GIGYF2: variants seen among roughly 807,000 people sequenced by gnomAD.
GIGYF2 encodes the protein GRB10 interacting GYF protein 2.
In GIGYF2, 25 loss-of-function variants were observed where a neutral mutation model predicts 208.1. The ratio of observed to expected loss-of-function variants is 0.12; its 90% CI spans 0.09 to 0.17. The LOEUF (loss-of-function observed/expected upper bound fraction) is 0.17. Among genes scored for constraint, GIGYF2 ranks in the 10% least tolerant of loss-of-function variants. The probability of loss-of-function intolerance (pLI) is 1.00; values close to 1 mark genes in which losing one functional copy is unlikely to be tolerated. For synonymous variants in GIGYF2, 534 were observed against 543.8 expected, an observed-to-expected ratio of 0.98 and a Z score of 0.25; for missense variants, 1,302 against 1,579.4, an observed-to-expected ratio of 0.82 and a Z score of 2.98.
At chr2:232,821,532 A>G (rs1701081206) in intron 21 of GIGYF2, among the ~76,000 whole-genome samples, 1 of 152,112 alleles carries the variant, frequency 6.6e-6, no homozygotes, top group African/African-American at 2.4e-5. Flanking sequence ...TTTTCTTACA[A>G]GTTGTATACT....
chr2:232,804,537 G>A lies in GIGYF2; in HGVS notation c.1640-1954G>A, dbSNP rs150029813. Reference sequence around the variant, plus strand: ...GATGGAGTCTCACTCTGTCACCCAGGCTGGAGTGCAGTGGCGCGATCTCGG... The same window carrying A: ...GATGGAGTCTCACTCTGTCACCCAGACTGGAGTGCAGTGGCGCGATCTCGG... On this transcript the variant is annotated intron_variant, in intron 14 of 28. Transcript: ENST00000373563. 8.0e-3 allele frequency among the ~76,000 whole-genome samples: 1,217 copies of A among 152,112 alleles called. 10 individuals are homozygous for A. Among genetic ancestry groups the A allele is most frequent in the Non-Finnish European group, 0.013 (853 of 67,998 alleles).
chr2:232,833,203 T>C (rs1701478463), intron 22 of GIGYF2, 110 bp downstream of exon 22: 4 of 543,360 alleles, frequency 7.4e-6, no homozygotes, highest in Non-Finnish European at 1.3e-5. Flanking sequence ...TTTTTTAATA[T>C]TAAAATATTT....
At chr2:232,792,433 AT>A (rs1238953558) in intron 12 of GIGYF2, among the ~76,000 whole-genome samples, 2 of 152,110 alleles carry the variant, frequency 1.3e-5, no homozygotes, top group Non-Finnish European at 2.9e-5. Context: ...AAAGCTGATT[AT>A]TTTTTTAAAG....
At chr2:232,789,864 G>A (rs867240113) in intron 9 of GIGYF2, among the ~76,000 whole-genome samples, 4 of 151,966 alleles carry the variant, frequency 2.6e-5, no homozygotes, top group African/African-American at 9.7e-5. Context: ...TCTTAAGTAG[G>A]ATCTCTTATT....
chr2:232,741,273 G>GTTCCT (rs933430102), intron 3 of GIGYF2, among the ~76,000 whole-genome samples: 1 of 151,938 alleles, frequency 6.6e-6, no homozygotes, highest in African/African-American at 2.4e-5. Context: ...TTACTTCTCT[G>GTTCCT]TTCCTATATC....
chr2:232,776,485 T>G (rs1247664412), intron 8 of GIGYF2: 1 of 1,516,352 alleles, frequency 6.6e-7, no homozygotes, highest in South Asian at 1.1e-5. Context: ...AAGGTAGGTC[T>G]TAAGGAAATT....
At chr2:232,720,191 G>T (rs1416548843) in intron 2 of GIGYF2, among the ~76,000 whole-genome samples, 2 of 152,140 alleles carry the variant, frequency 1.3e-5, no homozygotes, top group African/African-American at 4.8e-5. Flanking sequence ...GAGAATGTGT[G>T]GTGTTTGGTT....
chr2:232,715,472 G>A (rs1422086610), intron 2 of GIGYF2, among the ~76,000 whole-genome samples: 1 of 151,938 alleles, frequency 6.6e-6, no homozygotes, highest in Non-Finnish European at 1.5e-5. Context: ...TTGAAGACAT[G>A]CCATAGAAAG....
rs968033799 is a variant in GIGYF2 at position 232,779,293 on chromosome 2, T to G, written c.533-7857T>G. ...ATTGTGTCTCCAAAATTATAATGAT[T>G]AAATTAAACAAGGTACCAAGACCTG... On this transcript the variant is annotated intron_variant, in intron 8 of 28. Transcript: ENST00000373563. Among the ~76,000 whole-genome samples, 5 of 152,212 alleles carry G rather than the reference T, an allele frequency of 3.3e-5. 1 individual carries two copies. The highest frequency in any genetic ancestry group is 3.3e-4 in the Admixed American group (5 of 15,276).
chr2:232,766,145 A>G (rs1482277489), intron 8 of GIGYF2, among the ~76,000 whole-genome samples: 1 of 152,238 alleles, frequency 6.6e-6, no homozygotes, highest in Non-Finnish European at 1.5e-5. Context: ...GAAAGAAACA[A>G]TGAACAGTCC....
At chr2:232,723,655 G>A (rs916013609) in intron 2 of GIGYF2, among the ~76,000 whole-genome samples, 3 of 149,832 alleles carry the variant, frequency 2.0e-5, no homozygotes, top group Non-Finnish European at 3.0e-5. Context: ...GGTCTTGAAC[G>A]CCTGACCTCG....
chr2:232,716,919 C>T (rs1164555343), intron 2 of GIGYF2, among the ~76,000 whole-genome samples: 4 of 152,042 alleles, frequency 2.6e-5, no homozygotes, highest in East Asian at 1.9e-4. Flanking sequence ...GATCCTCCAA[C>T]TTCAGCCTCC....
rs1700891126 is a variant in GIGYF2, at chr2:232,815,864, A to AG, written c.2208+128dup. 3 of 692,456 alleles carry AG rather than the reference A, an allele frequency of 4.3e-6. No homozygotes were observed. In the Admixed American group the frequency reaches 6.1e-5, roughly 14 times the overall value. The allele number at this position is 692,456 out of a possible 1,614,324, so 42.9% of individuals were successfully genotyped here. On this transcript the variant is annotated intron_variant, in intron 19 of 28. Coordinates refer to ENST00000373563, the MANE Select transcript of GIGYF2 (RefSeq NM_001103146.3). ...AGTTTACTGCTGCTTAGCTGGTATA[A>AG]GTACATTCATATTGTATCTTTACTG...
At chr2:232,761,588 T>C (rs1698741983) in intron 8 of GIGYF2, 152 bp downstream of exon 8, 1 of 578,052 alleles carries the variant, frequency 1.7e-6, no homozygotes, top group African/African-American at 1.9e-5. Context: ...AGATGATGAA[T>C]ACAGCCATTA....
chr2:232,719,479 T>C (rs910297785), intron 2 of GIGYF2, among the ~76,000 whole-genome samples: 2 of 152,086 alleles, frequency 1.3e-5, no homozygotes, highest in Non-Finnish European at 2.9e-5. Flanking sequence ...GAGGTCAGAG[T>C]CTGTCTTTTC....
Position 232,778,470 on chromosome 2 carries a change from T to C in GIGYF2, c.533-8680T>C, listed in dbSNP as rs567475066. On this transcript the variant is annotated intron_variant, in intron 8 of 28. Coordinates refer to ENST00000373563, the MANE Select transcript of GIGYF2 (RefSeq NM_001103146.3). ...TGCTGTGAATATTGTAGACCAGCTC[T>C]GAAGTGCCCACTTAGGAGCATAGCT... is the stretch of plus-strand genomic sequence containing the variant. Among the ~76,000 whole-genome samples, 4 of 152,316 alleles carry C rather than the reference T, an allele frequency of 2.6e-5. No individual in the cohort carries two copies. In the East Asian group the frequency reaches 7.7e-4, roughly 29 times the overall value.
intron 20 of GIGYF2, 95 bp downstream of exon 20, chr2:232,817,127 C>A (rs114803570): frequency 1.3e-4 from 129 of 973,524 alleles, no homozygotes; most frequent in Non-Finnish European, 2.0e-4. Context: ...CTGAAGTCCA[C>A]AGGATTGGGG....
intron 1 of GIGYF2, among the ~76,000 whole-genome samples, chr2:232,702,490 T>G (rs1057362045): frequency 6.6e-6 from 1 of 152,006 alleles, no homozygotes; most frequent in Non-Finnish European, 1.5e-5. Flanking sequence ...TTTCCTGTAG[T>G]TAATGAAATT....
intron 8 of GIGYF2, among the ~76,000 whole-genome samples, chr2:232,772,925 A>G (rs1458981476): frequency 1.3e-5 from 2 of 151,984 alleles, no homozygotes; most frequent in African/African-American, 2.4e-5. Flanking sequence ...TTGGAATTGG[A>G]TATTGGCCAC....
Sources: allele counts gnomAD v4.1 joint callset (sites outside exome capture counted in the v4.1 genomes callset), GRCh38; gene constraint gnomAD v4.1.1; transcripts MANE v1.5; gene names NCBI Gene and HGNC (gene_info 2026-07-23, HGNC 2026-07-21).